IL17RE: variants seen among roughly 807,000 people sequenced by gnomAD.
IL17RE encodes the protein interleukin-17 receptor E.
In IL17RE, 47 loss-of-function variants were observed where a neutral mutation model predicts 70.7. The ratio of observed to expected loss-of-function variants is 0.67; its 90% confidence interval spans 0.53 to 0.85. IL17RE has a LOEUF of 0.85. Ranked by LOEUF, IL17RE falls within the 40% of genes least tolerant of loss-of-function variation. The probability of loss-of-function intolerance (pLI) is 0.00; values close to 1 mark genes in which losing one functional copy is unlikely to be tolerated. For missense variants in IL17RE, 850 were observed against 893.9 expected (o/e 0.95, Z 0.63); for synonymous variants, 372 against 381.2 (o/e 0.98, Z 0.28).
At position 9,914,766 on chromosome 3, in the gene IL17RE, G is replaced by A. The variant is rs142982332; in HGVS notation, c.1436G>A (p.Arg479His). 3.7e-4 allele frequency: 598 copies of A among 1,613,638 alleles called. 3 individuals are homozygous for A. The African/African-American group carries it at 7.0e-3, about 19-fold the overall frequency. ...LGVVLALTCR[R>H]PQSGPGPARP... is the part of the protein sequence containing the mutation. The stretch of plus-strand genomic sequence containing the variant: ...GTTGTTCTGGCCCTCACCTGCCGGC[G>A]CCCACAGTCAGGTAAGCTCACCTGG... Residue 479 changes from arginine (R) to histidine (H), a missense_variant, in exon 15 of 16, where the codon CGC becomes CAC. By Grantham distance (29) the Arg-to-His change is conservative. Transcript: ENST00000383814.
upstream of IL17RE, chr3:9,902,510 C>CT: frequency 5.1e-6 from 5 of 974,948 alleles, no homozygotes; most frequent in Non-Finnish European, 7.9e-6. Flanking sequence ...GGCTAATTCT[C>CT]TAAGTGAGGG....
At chr3:9,911,799 C>A in intron 12 of IL17RE, 4 of 478,006 alleles carry the variant, frequency 8.4e-6, no homozygotes, top group East Asian at 3.3e-5. Flanking sequence ...TCTTTTTTTT[C>A]TTTTTTTCTT....
In IL17RE at chr3:9,903,380, T is replaced by C; in HGVS notation, c.133-17T>C. 1.2e-6 allele frequency: 2 copies of C among 1,613,956 alleles called. No individual in the cohort carries two copies. The highest frequency in any genetic ancestry group is 2.2e-5 in the East Asian group (1 of 44,884). The stretch of plus-strand genomic sequence containing the variant: ...TAGCTCTTTCCTTTCTTTTCCCTAC[T>C]GGGCCCTGTGCCTCAGGATGACAGT... On this transcript the variant is annotated splice_polypyrimidine_tract_variant and intron_variant, in intron 1 of 15. Transcript: ENST00000383814.
Position 9,910,965 on chromosome 3 carries a change from T to C in IL17RE, c.903T>C (p.Ala301=), listed in dbSNP as rs2082876414. ...LTLRCPLKLE[A]ALCQRHDWHT... is the part of the protein sequence containing the mutation. ...TCCGCTGCCCACTGAAGCTGGAAGC[T>C]GCCCTCTGCCAGAGGCACGACTGGC... Residue 301 remains alanine, a synonymous_variant, in exon 9 of 16, where the codon GCT becomes GCC. Coordinates refer to ENST00000383814, the MANE Select transcript of IL17RE (RefSeq NM_153480.2). 2.5e-6 allele frequency: 4 copies of C among 1,614,172 alleles called. No individual in the cohort carries two copies. Among genetic ancestry groups the C allele is most frequent in the Non-Finnish European group, 3.4e-6 (4 of 1,180,018 alleles).
At chr3:9,902,644 C>T, upstream of IL17RE, 1 of 1,536,132 alleles carries the variant, frequency 6.5e-7, no homozygotes, top group Non-Finnish European at 8.7e-7. Flanking sequence ...CTGATGCTAG[C>T]CCCTTTCCTG....
intron 8 of IL17RE, 132 bp downstream of exon 8, chr3:9,909,415 C>T: frequency 5.0e-6 from 4 of 807,332 alleles, no homozygotes; most frequent in South Asian, 1.6e-5. Flanking sequence ...CCCCAGAAGG[C>T]ATGCAGGTAC....
chr3:9,911,741 C>A, intron 12 of IL17RE, 144 bp downstream of exon 12: 1 of 759,100 alleles, frequency 1.3e-6, no homozygotes, highest in Non-Finnish European at 2.1e-6. Flanking sequence ...ACGTGATCAG[C>A]CTCTGTTCAG....
intron 3 of IL17RE, among the ~76,000 whole-genome samples, chr3:9,904,736 G>A (rs1344819314): frequency 1.3e-5 from 2 of 151,174 alleles, no homozygotes; most frequent in Admixed American, 1.3e-4. Flanking sequence ...GCAGTGAGCC[G>A]ACATCATGCC....
chr3:9,903,025 G>T lies in IL17RE; in HGVS notation c.93G>T (p.Leu31=), dbSNP rs749474945. The T allele has an allele frequency of 3.1e-6, 5 of 1,614,208 alleles. No individual in the cohort carries two copies. The highest frequency in any genetic ancestry group is 4.2e-6 in the Non-Finnish European group (5 of 1,180,032). ...SDSAGIGFRH[L]PHWNTRCPLA... ...CTGCTGGGATTGGCTTTCGCCACCT[G>T]CCCCACTGGAACACCCGCTGTCCTC... The change falls in exon 1 of 16, where the codon CTG becomes CTT. Residue 31 remains leucine, a synonymous_variant. Coordinates refer to ENST00000383814, the MANE Select transcript of IL17RE (RefSeq NM_153480.2).
rs773879614 is a variant in IL17RE at position 9,914,731 on chromosome 3, C to A, written c.1401C>A (p.Thr467=). The A allele has an allele frequency of 1.9e-6, 3 of 1,614,084 alleles. No homozygotes were observed. The highest frequency in any genetic ancestry group is 4.5e-5 in the East Asian group (2 of 44,882). ...TCCTGGCACTGCTGGCCCTCCTCAC[C>A]CTACTGGGTGTTGTTCTGGCCCTCA... The part of the protein sequence containing the change: ...LLILALLALL[T]LLGVVLALTC... Residue 467 remains threonine (T), a synonymous_variant, in exon 15 of 16, where the codon ACC becomes ACA. Transcript: ENST00000383814.
intron 12 of IL17RE, among the ~76,000 whole-genome samples, 192 bp from the exon 13 acceptor site, chr3:9,913,764 G>C (rs1195232096): frequency 1.3e-5 from 2 of 152,260 alleles, no homozygotes; most frequent in Non-Finnish European, 2.9e-5. Context: ...GACTGCAGCA[G>C]GAGCTGAGCT....
intron 15 of IL17RE, 75 bp downstream of exon 15, chr3:9,914,852 G>T: frequency 8.1e-7 from 1 of 1,231,570 alleles, no homozygotes; most frequent in Admixed American, 1.8e-5. Context: ...ACCCTCCCCT[G>T]TCTGAGCTCT....
Position 9,904,086 on chromosome 3 carries a change from C to T in IL17RE, c.203C>T (p.Pro68Leu). The T allele has an allele frequency of 6.2e-7, 1 of 1,614,182 alleles. No homozygotes were observed. The highest frequency in any genetic ancestry group is 8.5e-7 in the Non-Finnish European group (1 of 1,180,038). Residue 68 changes from proline (P) to leucine (L), a missense_variant, in exon 3 of 16, where the codon CCT (proline) becomes CTT (leucine). Physicochemically the swap from Pro to Leu is moderately conservative, Grantham distance 98. Coordinates refer to ENST00000383814, the MANE Select transcript of IL17RE (RefSeq NM_153480.2). The stretch of plus-strand genomic sequence containing the variant: ...TGGTGGGCCCTCTTCTCCACAAAGC[C>T]TTGGTGTGTGCGAGTCTGGCACTGT... The part of the protein sequence containing the change: ...RTWWALFSTK[P>L]WCVRVWHCSR...
intron 7 of IL17RE, 135 bp from the exon 8 acceptor site, chr3:9,909,082 C>T (rs2082827465): frequency 1.5e-6 from 1 of 675,860 alleles, no homozygotes; most frequent in Admixed American, 2.5e-5. Context: ...CACATTGCCC[C>T]CTCCTGCTCG....
At chr3:9,913,827 G>A (rs2082948450) in intron 12 of IL17RE, 129 bp from the exon 13 acceptor site, 2 of 706,798 alleles carry the variant, frequency 2.8e-6, no homozygotes, top group Non-Finnish European at 5.1e-6. Context: ...CTTGTCAGAG[G>A]TGGCACTTGG....
intron 3 of IL17RE, among the ~76,000 whole-genome samples, chr3:9,904,461 A>G (rs995585060): frequency 1.3e-5 from 2 of 152,200 alleles, no homozygotes; most frequent in African/African-American, 4.8e-5. Flanking sequence ...TGCCTGGTAC[A>G]TACTAAATGC....
At chr3:9,911,195 A>G (rs1435330046) in intron 10 of IL17RE, 21 bp downstream of exon 10, 3 of 1,614,170 alleles carry the variant, frequency 1.9e-6, no homozygotes, top group Non-Finnish European at 2.5e-6. Flanking sequence ...GGGTAAGAAA[A>G]GATGTGGTGT....
In IL17RE at chr3:9,915,157, G is replaced by A; in HGVS notation, c.1448-94G>A. On this transcript the variant is annotated intron_variant, in intron 15 of 15. Transcript: ENST00000383814. The surrounding 1 kb of genome is among the most constrained non-coding windows in gnomAD (Gnocchi z 4.9). ...TAAGGGGCGGGGGCGGGGGCGGAGA[G>A]GCGAGCACCCTACGGTATCCCGAGA... is the stretch of plus-strand genomic sequence containing the variant. The A allele has an allele frequency of 7.4e-7, 1 of 1,345,248 alleles. No individual in the cohort carries two copies. The highest frequency in any genetic ancestry group is 9.5e-7 in the Non-Finnish European group (1 of 1,051,358). 83.3% of individuals were successfully genotyped at this position (1,345,248 alleles called of 1,614,324 possible). A position where few individuals can be genotyped will look rare whatever the true frequency, so the allele number is the denominator to read the frequency against.
chr3:9,902,535 C>T (rs181653460), upstream of IL17RE: 1 of 1,217,234 alleles, frequency 8.2e-7, no homozygotes, highest in Non-Finnish European at 1.2e-6. Flanking sequence ...AAGCGCATGT[C>T]TATGGGAGAC....
Sources: gnomAD v4.1 joint callset for allele counts (sites outside exome capture counted in the v4.1 genomes callset) on GRCh38, gnomAD v4.1.1 for gene constraint, Gnocchi (gnomAD v3.1) non-coding constraint, MANE v1.5 for transcripts, NCBI Gene and HGNC (gene_info 2026-07-23, HGNC 2026-07-21) for gene names.